NRBF2: variants seen among roughly 807,000 people sequenced by gnomAD.
The protein encoded by NRBF2 is nuclear receptor binding factor 2.
Under a neutral mutation model 28.5 loss-of-function variants are expected in NRBF2, and 12 were observed. The ratio of observed to expected loss-of-function variants is 0.42; its 90% CI spans 0.27 to 0.68. The LOEUF (loss-of-function observed/expected upper bound fraction) is 0.68. Among genes scored for constraint, NRBF2 ranks in the 30% least tolerant of loss-of-function variants. The pLI, the probability that NRBF2 is intolerant of heterozygous loss-of-function variation, is 0.24. For missense variants in NRBF2, 274 were observed against 333.5 expected (o/e 0.82, Z 1.39); for synonymous variants, 102 against 116.5 (o/e 0.88, Z 0.80).
intron 3 of NRBF2, 101 bp from the exon 4 acceptor site, chr10:63,153,409 TA>T: frequency 1.2e-6 from 1 of 853,148 alleles, no homozygotes; most frequent in Non-Finnish European, 1.8e-6. Context: ...TTGTAAATTG[TA>T]AGTGTTGGGT....
intron 1 of NRBF2, 24 bp downstream of exon 1, chr10:63,133,524 G>A: frequency 3.2e-6 from 5 of 1,570,350 alleles, no homozygotes; most frequent in Non-Finnish European, 4.4e-6. Context: ...AGAATATAGC[G>A]TTCGTCTTGG....
rs1250215062 is a variant in NRBF2, at chr10:63,146,262, A to T, written c.84A>T (p.Glu28Asp). The T allele has an allele frequency of 6.2e-7, 1 of 1,612,950 alleles. No homozygotes were observed. The highest frequency in any genetic ancestry group is 1.1e-5 in the South Asian group (1 of 90,928). Residue 28 changes from glutamate to aspartate, a missense_variant, in exon 2 of 4, where the codon GAA becomes GAT. Coordinates refer to ENST00000277746, the MANE Select transcript of NRBF2 (RefSeq NM_030759.5). ...GTTTATTAGCTGCAGGCAAATACGAAGAGGCTATTTCTTGTCACAAAAAGG... is the reference window on the plus strand; with the variant it reads ...GTTTATTAGCTGCAGGCAAATACGATGAGGCTATTTCTTGTCACAAAAAGG... The part of the protein sequence containing the change: ...ADRLLAAGKY[E>D]EAISCHKKAA...
intron 1 of NRBF2, 49 bp from the exon 2 acceptor site, chr10:63,146,160 C>G (rs755292396): frequency 1.4e-6 from 2 of 1,444,850 alleles, no homozygotes; most frequent in Non-Finnish European, 1.9e-6. Context: ...TGAAAGAAAT[C>G]ATGTTTTATT....
chr10:63,146,311 G>T lies in NRBF2; in HGVS notation c.115+18G>T. 6.5e-7 allele frequency: 1 copy of T among 1,547,378 alleles called. No individual in the cohort carries two copies. The highest frequency in any genetic ancestry group is 8.9e-7 in the Non-Finnish European group (1 of 1,126,872). ...GGCTGCAGGTGAGTATTCTTATTAAGTACTCAGTGTAAAACTGAAGAGCAG... is the reference window on the plus strand; with the variant it reads ...GGCTGCAGGTGAGTATTCTTATTAATTACTCAGTGTAAAACTGAAGAGCAG... On this transcript the variant is annotated intron_variant, in intron 2 of 3. Coordinates refer to ENST00000277746, the MANE Select transcript of NRBF2 (RefSeq NM_030759.5).
chr10:63,139,127 A>T (rs1348839050), intron 1 of NRBF2, among the ~76,000 whole-genome samples: 1 of 152,162 alleles, frequency 6.6e-6, no homozygotes, highest in Admixed American at 6.5e-5. Flanking sequence ...CTCCTGCCTC[A>T]GCCTTCCTTG....
chr10:63,143,220 G>A (rs1211240429), intron 1 of NRBF2, among the ~76,000 whole-genome samples: 3 of 152,164 alleles, frequency 2.0e-5, no homozygotes, highest in Non-Finnish European at 4.4e-5. Context: ...TAAGATTGTT[G>A]CTTCTTTCCT....
intron 1 of NRBF2, among the ~76,000 whole-genome samples, chr10:63,134,287 T>G (rs871689): frequency 0.2 from 30,640 of 152,192 alleles, 4,056 homozygotes; most frequent in Non-Finnish European, 0.29. Context: ...ATGAGTTCTT[T>G]TCAGACTGGC....
At chr10:63,142,786 T>TTTTTTTTTTTTTTTTTTTTTG in intron 1 of NRBF2, among the ~76,000 whole-genome samples, 1 of 127,492 alleles carries the variant, frequency 7.8e-6, no homozygotes, top group African/African-American at 3.1e-5. Flanking sequence ...CTTTCTTTTT[T>TTTTTTTTTTTTTTTTTTTTTG]TTTTTTTTTT....
chr10:63,139,497 T>G (rs1254103167), intron 1 of NRBF2, among the ~76,000 whole-genome samples: 1 of 152,212 alleles, frequency 6.6e-6, no homozygotes, highest in Non-Finnish European at 1.5e-5. Flanking sequence ...AACCTAGTTG[T>G]TGTAGTTAGG....
At chr10:63,141,527 T>G (rs1325834996) in intron 1 of NRBF2, among the ~76,000 whole-genome samples, 2 of 152,224 alleles carry the variant, frequency 1.3e-5, no homozygotes, top group South Asian at 2.1e-4. Flanking sequence ...CTTCCATCAC[T>G]TCTATTGTCT....
rs757572788 is a variant in NRBF2 at position 63,154,227 on chromosome 10, G to C, written c.*9G>C. On this transcript the variant is annotated 3_prime_UTR_variant, in exon 4 of 4. Transcript: ENST00000277746. ...GATTTATGAATAATTAAAATGGAAG[G>C]CCACAGAAAAGGGGAAAAGAGGAAA... is the stretch of plus-strand genomic sequence containing the variant. 3 of 1,514,460 alleles carry C rather than the reference G, an allele frequency of 2.0e-6. No homozygotes were observed. Among genetic ancestry groups the C allele is most frequent in the Non-Finnish European group, 2.7e-6 (3 of 1,105,892 alleles). The allele number at this position is 1,514,460 out of a possible 1,614,324, so 93.8% of individuals were successfully genotyped here.
chr10:63,139,246 G>A (rs999546609), intron 1 of NRBF2, among the ~76,000 whole-genome samples: 13 of 152,100 alleles, frequency 8.5e-5, no homozygotes, highest in Non-Finnish European at 1.9e-4. Context: ...TTGCCCTCGT[G>A]ATCTGCCCAC....
chr10:63,134,562 G>C (rs1245333537), intron 1 of NRBF2, among the ~76,000 whole-genome samples: 1 of 152,170 alleles, frequency 6.6e-6, no homozygotes, highest in African/African-American at 2.4e-5. Flanking sequence ...CTTGATATCT[G>C]TGTTACCTTG....
intron 1 of NRBF2, among the ~76,000 whole-genome samples, chr10:63,133,976 T>TCCAC (rs1208286346): frequency 1.3e-4 from 10 of 74,894 alleles, no homozygotes; most frequent in Non-Finnish European, 1.6e-4. Flanking sequence ...CTCCTCACCC[T>TCCAC]TCACTTCCCC....
intron 1 of NRBF2, among the ~76,000 whole-genome samples, chr10:63,139,242 T>C (rs1202576710): frequency 2.6e-5 from 4 of 152,170 alleles, no homozygotes; most frequent in African/African-American, 9.7e-5. Context: ...ACTCTTGCCC[T>C]CGTGATCTGC....
intron 3 of NRBF2, among the ~76,000 whole-genome samples, chr10:63,152,794 C>T (rs1255803972): frequency 3.3e-5 from 5 of 152,086 alleles, no homozygotes; most frequent in South Asian, 2.1e-4. Context: ...CCCAGGAGTT[C>T]GAGACCAGCC....
At chr10:63,141,399 C>G (rs1841464250) in intron 1 of NRBF2, among the ~76,000 whole-genome samples, 1 of 152,132 alleles carries the variant, frequency 6.6e-6, no homozygotes, top group African/African-American at 2.4e-5. Flanking sequence ...TTGCACCACT[C>G]CACTCCAGCC....
intron 2 of NRBF2, 74 bp from the exon 3 acceptor site, chr10:63,152,076 T>C (rs1564531995): frequency 9.0e-7 from 1 of 1,114,684 alleles, no homozygotes; most frequent in Non-Finnish European, 1.4e-6. Context: ...ATGAAGATTA[T>C]TAAAACTCTT....
In NRBF2 at chr10:63,154,789, A is replaced by G. The variant is rs1418816220; in HGVS notation, c.*571A>G. ...GATAACCTCAAGACTATCAGAAGAAATATTTAAATTTCCATTTTATGAAGA... is the reference window on the plus strand; with the variant it reads ...GATAACCTCAAGACTATCAGAAGAAGTATTTAAATTTCCATTTTATGAAGA... On this transcript the variant is annotated 3_prime_UTR_variant, in exon 4 of 4. Coordinates refer to ENST00000277746, the MANE Select transcript of NRBF2 (RefSeq NM_030759.5). 1 of 152,674 alleles carries G rather than the reference A, an allele frequency of 6.5e-6. No individual in the cohort carries two copies. Among genetic ancestry groups the G allele is most frequent in the African/African-American group, 2.4e-5 (1 of 41,470 alleles). The allele number at this position is 152,674 out of a possible 1,614,324, so 9.5% of individuals were successfully genotyped here.
Sources: gnomAD v4.1 joint callset for allele counts (sites outside exome capture counted in the v4.1 genomes callset) on GRCh38, gnomAD v4.1.1 for gene constraint, MANE v1.5 for transcripts, NCBI Gene and HGNC (gene_info 2026-07-23, HGNC 2026-07-21) for gene names.